STIM1: variants seen among roughly 807,000 people sequenced by gnomAD.
The protein encoded by STIM1 is stromal interaction molecule 1.
A neutral mutation model predicts 74.7 loss-of-function variants in STIM1; 25 were observed. The observed-to-expected ratio is 0.33, with a 90% confidence interval of 0.24 to 0.47. The LOEUF is 0.47. STIM1 is among the 20% of genes least tolerant of loss of function. The pLI is 1.00. For missense variants in STIM1, 728 were observed against 920.8 expected (o/e 0.79, Z 2.71); for synonymous variants, 328 against 348.8 (o/e 0.94, Z 0.66).
chr11:3,940,721 G>C (rs1430151354), intron 1 of STIM1, among the ~76,000 whole-genome samples: 1 of 152,148 alleles, frequency 6.6e-6, no homozygotes, highest in Non-Finnish European at 1.5e-5. Context: ...GAGAAAAGGG[G>C]GGATGGCAAG....
chr11:3,925,167 C>A (rs11030278), intron 1 of STIM1, among the ~76,000 whole-genome samples: 13,461 of 152,230 alleles, frequency 0.088, 635 homozygotes, highest in African/African-American at 0.13. Context: ...GAGGCCGATG[C>A]AGGTGGATCA....
At position 4,091,752 on chromosome 11, in the gene STIM1, G is replaced by A. The variant is rs779204802; in HGVS notation, c.2105G>A (p.Arg702Gln). Reference protein sequence around the residue: ...IGEETDSSPGRKKFPLKIFKK... With the variant: ...IGEETDSSPGQKKFPLKIFKK... The stretch of plus-strand genomic sequence containing the variant: ...GAGGAAACAGACTCCAGCCCAGGCC[G>A]GAAGAAGTTTCCCCTCAAAATCTTT... The change falls in exon 13 of 13, where the codon CGG (arginine) becomes CAG (glutamine). Residue 702 changes from arginine to glutamine, a missense_variant. Around this residue, in one of 5 missense-constraint regions of STIM1, gnomAD observed 352 missense variants for 370.1 expected, o/e 0.95. Transcript: ENST00000526596. The A allele has an allele frequency of 3.7e-6, 6 of 1,611,786 alleles. No individual in the cohort carries two copies. Among genetic ancestry groups the A allele is most frequent in the Non-Finnish European group, 5.1e-6 (6 of 1,180,022 alleles).
intron 2 of STIM1, among the ~76,000 whole-genome samples, chr11:4,014,119 C>G (rs866321806): frequency 1.6e-4 from 25 of 152,246 alleles, no homozygotes; most frequent in Admixed American, 6.5e-4. Flanking sequence ...CATTTCTTCT[C>G]TAGTTCTTTT....
chr11:4,073,717 T>G (rs1053157844), intron 6 of STIM1, among the ~76,000 whole-genome samples: 7 of 152,184 alleles, frequency 4.6e-5, no homozygotes, highest in African/African-American at 1.4e-4. Flanking sequence ...ACTGAGGGAA[T>G]GTGTGTGACG....
intron 1 of STIM1, among the ~76,000 whole-genome samples, chr11:3,951,763 AC>A (rs2093151480): frequency 6.6e-6 from 1 of 151,944 alleles, no homozygotes; most frequent in South Asian, 2.1e-4. Flanking sequence ...CTTTCAGCAA[AC>A]TTTTCCCAGC....
intron 2 of STIM1, among the ~76,000 whole-genome samples, chr11:3,968,284 C>A (rs1369362754): frequency 1.3e-5 from 2 of 152,152 alleles, no homozygotes; most frequent in Admixed American, 6.5e-5. Context: ...CTCAGCAGAT[C>A]CCAGAGAATA....
At chr11:3,864,723 GGACC>G (rs1161269763) in intron 1 of STIM1, among the ~76,000 whole-genome samples, 14 of 152,322 alleles carry the variant, frequency 9.2e-5, no homozygotes, top group Admixed American at 3.9e-4. Flanking sequence ...AGGAGGGCAA[GGACC>G]GCTAGGGATC....
intron 2 of STIM1, among the ~76,000 whole-genome samples, chr11:4,004,569 T>C (rs951565732): frequency 3.2e-4 from 48 of 151,616 alleles, no homozygotes; most frequent in African/African-American, 1.1e-3. Flanking sequence ...TCCTTATACC[T>C]TATACAAAAA....
intron 1 of STIM1, among the ~76,000 whole-genome samples, chr11:3,956,751 A>T (rs538654749): frequency 1.4e-5 from 2 of 146,594 alleles, no homozygotes; most frequent in African/African-American, 2.5e-5. Flanking sequence ...TGAACTCAAA[A>T]GGTAGAGGCT....
chr11:4,032,190 C>T lies in STIM1; in HGVS notation c.385+8203C>T, dbSNP rs1296737118. 2.6e-5 allele frequency among the ~76,000 whole-genome samples: 4 copies of T among 152,098 alleles called. 1 individual carries two copies. Among genetic ancestry groups the T allele is most frequent in the Admixed American group, 2.6e-4 (4 of 15,270 alleles). On this transcript the variant is annotated intron_variant, in intron 3 of 12. Transcript: ENST00000526596. ...TTTTGTCAAAAATCAGTTGTTTAAG[C>T]TGAGTGCAGTAGCATACACTGTAGT...
chr11:4,000,594 A>T (rs1435772671), intron 2 of STIM1, among the ~76,000 whole-genome samples: 3 of 152,084 alleles, frequency 2.0e-5, no homozygotes, highest in Non-Finnish European at 4.4e-5. Context: ...GTACATCACC[A>T]TCATCAAAGA....
intron 2 of STIM1, chr11:3,989,527 A>G (rs1289927443): frequency 1.7e-6 from 1 of 587,844 alleles, no homozygotes; most frequent in Non-Finnish European, 3.2e-6. Context: ...GCCTTCGCGA[A>G]GCTGGGCTGC....
chr11:3,882,961 A>G (rs2091571999), intron 1 of STIM1, among the ~76,000 whole-genome samples: 2 of 152,086 alleles, frequency 1.3e-5, no homozygotes, highest in South Asian at 4.1e-4. Flanking sequence ...GGTTAGTTGT[A>G]TATCTTCTTT....
At chr11:3,894,122 C>T (rs969379255) in intron 1 of STIM1, among the ~76,000 whole-genome samples, 2 of 152,110 alleles carry the variant, frequency 1.3e-5, no homozygotes, top group Non-Finnish European at 2.9e-5. Flanking sequence ...AAAAATAAGT[C>T]TTGGAAACTA....
chr11:4,070,186 G>GC lies in STIM1; in HGVS notation c.775dup (p.His259ProfsTer2). 6.2e-7 allele frequency: 1 copy of GC among 1,614,104 alleles called. No homozygotes were observed. The highest frequency in any genetic ancestry group is 8.5e-7 in the Non-Finnish European group (1 of 1,180,034). On this transcript the variant is annotated frameshift_variant, in exon 6 of 13. Coordinates refer to ENST00000526596, the MANE Select transcript of STIM1 (RefSeq NM_001382567.1). LOFTEE classifies it high-confidence loss of function. ...GGTTACACCGAGCTGAGCAGAGTCTGCATGACCTTCAGGAAAGGTAAGGCC... is the reference window on the plus strand; with the variant it reads ...GGTTACACCGAGCTGAGCAGAGTCTGCCATGACCTTCAGGAAAGGTAAGGCC...
At chr11:4,030,184 C>T (rs1486460120) in intron 3 of STIM1, among the ~76,000 whole-genome samples, 1 of 152,006 alleles carries the variant, frequency 6.6e-6, no homozygotes, top group African/African-American at 2.4e-5. Flanking sequence ...CAAAAATTAG[C>T]CAGGTGTGGT....
At chr11:4,056,614 C>A (rs2094291974) in intron 4 of STIM1, among the ~76,000 whole-genome samples, 1 of 152,224 alleles carries the variant, frequency 6.6e-6, no homozygotes, top group Non-Finnish European at 1.5e-5. Flanking sequence ...TTGGAATGCC[C>A]ACACTTTGCA....
intron 2 of STIM1, among the ~76,000 whole-genome samples, chr11:3,975,437 C>T (rs1226571436): frequency 6.6e-6 from 1 of 152,088 alleles, no homozygotes; most frequent in Non-Finnish European, 1.5e-5. Context: ...GCCAACATGG[C>T]AAAACCCTCT....
chr11:3,972,777 C>A (rs1313841088), intron 2 of STIM1: 2 of 452,340 alleles, frequency 4.4e-6, no homozygotes, highest in Non-Finnish European at 8.8e-6. Flanking sequence ...TGGCTCTCTT[C>A]TGCTAAGTAT....
Sources: gnomAD v4.1 joint callset for allele counts (sites outside exome capture counted in the v4.1 genomes callset) on GRCh38, gnomAD v4.1.1 for gene constraint, gnomAD v4.1.1 regional missense constraint, MANE v1.5 for transcripts, NCBI Gene and HGNC (gene_info 2026-07-23, HGNC 2026-07-21) for gene names.